The following HEMK2 variants were observed in gnomAD, a reference collection of about 807,000 sequenced individuals.
HEMK2 encodes the protein methyltransferase HEMK2.
At chr21:28,628,842 T>C in the HEMK2 span, among the ~76,000 whole-genome samples, 5 of 152,268 alleles carry the variant, frequency 3.3e-5, no homozygotes, top group African/African-American at 1.2e-4. Flanking sequence ...AAGAAGCTTT[T>C]AGCACCCTGC....
chr21:28,614,303 T>A, the HEMK2 span, among the ~76,000 whole-genome samples: 1 of 152,202 alleles, frequency 6.6e-6, no homozygotes, highest in Non-Finnish European at 1.5e-5. Flanking sequence ...CTGGTGGGTT[T>A]TTTTTTAAGT....
chr21:28,826,599 A>G, the HEMK2 span, among the ~76,000 whole-genome samples: 1 of 152,190 alleles, frequency 6.6e-6, no homozygotes, highest in Non-Finnish European at 1.5e-5. Context: ...GTTCTTCACT[A>G]ACGTTATCCA....
the HEMK2 span, among the ~76,000 whole-genome samples, chr21:28,745,981 A>G: frequency 6.6e-6 from 1 of 152,212 alleles, no homozygotes; most frequent in African/African-American, 2.4e-5. Context: ...CCTGAAATAG[A>G]GCCAGGTGAG....
the HEMK2 span, among the ~76,000 whole-genome samples, chr21:28,584,688 G>A: frequency 1.3e-5 from 2 of 152,076 alleles, no homozygotes; most frequent in African/African-American, 2.4e-5. Flanking sequence ...AGGGGAGCAG[G>A]GTACTGTGGA....
the HEMK2 span, among the ~76,000 whole-genome samples, chr21:28,677,946 A>G: frequency 4.5e-4 from 68 of 152,300 alleles, no homozygotes; most frequent in African/African-American, 1.6e-3. Context: ...AAAGATGGGG[A>G]AAAAACAGCA....
At chr21:28,669,538 C>T in the HEMK2 span, among the ~76,000 whole-genome samples, 1 of 152,142 alleles carries the variant, frequency 6.6e-6, no homozygotes, top group African/African-American at 2.4e-5. Flanking sequence ...TAACAGAGTG[C>T]CAGTTCCAAG....
chr21:28,829,171 A>C, the HEMK2 span, among the ~76,000 whole-genome samples: 1 of 152,226 alleles, frequency 6.6e-6, no homozygotes, highest in African/African-American at 2.4e-5. Context: ...CTCTTGAGAA[A>C]TGCTTCTTTA....
chr21:28,795,574 A>G, the HEMK2 span, among the ~76,000 whole-genome samples: 2 of 152,220 alleles, frequency 1.3e-5, no homozygotes, highest in Admixed American at 1.3e-4. Context: ...TACTGGGTGA[A>G]CAGATAAAAG....
the HEMK2 span, among the ~76,000 whole-genome samples, chr21:28,846,066 C>T: frequency 6.6e-6 from 1 of 152,140 alleles, no homozygotes; most frequent in Non-Finnish European, 1.5e-5. Flanking sequence ...TCTGTCCTTA[C>T]ATTAGTTTGC....
At chr21:28,738,606 G>C in the HEMK2 span, among the ~76,000 whole-genome samples, 1 of 152,160 alleles carries the variant, frequency 6.6e-6, no homozygotes, top group Admixed American at 6.5e-5. Context: ...TGTGACCCGG[G>C]AAACAGTCCC....
chr21:28,815,547 T>A, the HEMK2 span, among the ~76,000 whole-genome samples: 1 of 151,664 alleles, frequency 6.6e-6, no homozygotes, highest in Non-Finnish European at 1.5e-5. Context: ...GGTGTCCAGG[T>A]AAAAACTGAC....
At chr21:28,871,749 C>A in the HEMK2 span, among the ~76,000 whole-genome samples, 1 of 152,152 alleles carries the variant, frequency 6.6e-6, no homozygotes, top group Non-Finnish European at 1.5e-5. Flanking sequence ...AAGGTGTGGG[C>A]TGGACCATGC....
the HEMK2 span, among the ~76,000 whole-genome samples, chr21:28,691,806 G>C: frequency 6.6e-6 from 1 of 152,166 alleles, no homozygotes; most frequent in Non-Finnish European, 1.5e-5. Context: ...GAAACAACCT[G>C]TGAATATCTA....
chr21:28,882,293 G>C, the HEMK2 span: 2 of 1,458,714 alleles, frequency 1.4e-6, no homozygotes, highest in Non-Finnish European at 1.9e-6. Context: ...ATGTCCATAA[G>C]GCAAATCTGT....
At chr21:28,818,005 C>G in the HEMK2 span, among the ~76,000 whole-genome samples, 1 of 152,168 alleles carries the variant, frequency 6.6e-6, no homozygotes, top group Non-Finnish European at 1.5e-5. Flanking sequence ...TACTGAGTGT[C>G]AACTTAACAG....
chr21:28,883,628 T>C, the HEMK2 span, among the ~76,000 whole-genome samples: 3 of 152,346 alleles, frequency 2.0e-5, no homozygotes, highest in African/African-American at 7.2e-5. Context: ...GATCTTTGAA[T>C]GTTAACCATC....
chr21:28,606,545 T>TA, the HEMK2 span, among the ~76,000 whole-genome samples: 2 of 151,942 alleles, frequency 1.3e-5, no homozygotes, highest in Non-Finnish European at 1.5e-5. Flanking sequence ...GTAGAAGCAT[T>TA]AAAAAAAATG....
At chr21:28,789,586 T>C in the HEMK2 span, among the ~76,000 whole-genome samples, 3 of 152,222 alleles carry the variant, frequency 2.0e-5, no homozygotes, top group African/African-American at 7.2e-5. Flanking sequence ...TAGAAGTAGG[T>C]AAATTCTTTC....
At chr21:28,720,359 A>C in the HEMK2 span, among the ~76,000 whole-genome samples, 6 of 152,372 alleles carry the variant, frequency 3.9e-5, no homozygotes, top group East Asian at 9.6e-4. Flanking sequence ...ATTACTATGA[A>C]TAATGAGAAT....
Sources: gnomAD v4.1 joint callset for allele counts (sites outside exome capture counted in the v4.1 genomes callset) on GRCh38, gnomAD v4.1.1 for gene constraint, MANE v1.5 for transcripts, NCBI Gene and HGNC (gene_info 2026-07-23, HGNC 2026-07-21) for gene names.